Variants in ZC3HC1 observed in about 807,000 individuals in gnomAD.
ZC3HC1 encodes zinc finger C3HC-type containing 1.
A neutral mutation model predicts 61.9 loss-of-function variants in ZC3HC1; 38 were observed. The ratio of observed to expected loss-of-function variants is 0.61; its 90% CI spans 0.47 to 0.81. ZC3HC1 has a LOEUF of 0.81. Among genes scored for constraint, ZC3HC1 ranks in the 30% least tolerant of loss-of-function variants. ZC3HC1 has a pLI of 0.00. For synonymous variants in ZC3HC1, 213 were observed against 229.9 expected, an observed-to-expected ratio of 0.93 and a Z score of 0.67; for missense variants, 554 against 622.7, an observed-to-expected ratio of 0.89 and a Z score of 1.17.
chr7:130,029,099 G>A, intron 4 of ZC3HC1, 70 bp from the exon 5 acceptor site: 3 of 1,499,696 alleles, frequency 2.0e-6, no homozygotes, highest in Non-Finnish European at 2.7e-6. Context: ...GGCTGGGCAT[G>A]GTGGCTCATA....
intron 2 of ZC3HC1, among the ~76,000 whole-genome samples, chr7:130,041,817 G>A (rs992354128): frequency 3.3e-5 from 5 of 152,094 alleles, no homozygotes; most frequent in Non-Finnish European, 7.4e-5. Context: ...GTGAGCCACT[G>A]TGCCCGGCCC....
At chr7:130,034,068 A>G (rs2116718713) in intron 4 of ZC3HC1, among the ~76,000 whole-genome samples, 1 of 152,256 alleles carries the variant, frequency 6.6e-6, no homozygotes, top group South Asian at 2.1e-4. Flanking sequence ...TAACGTGCAC[A>G]TCCATGTAGC....
intron 9 of ZC3HC1, among the ~76,000 whole-genome samples, chr7:130,020,823 A>G (rs935313175): frequency 3.3e-5 from 5 of 152,218 alleles, no homozygotes; most frequent in African/African-American, 1.2e-4. Context: ...AGATCTAGGC[A>G]GAGAAATGCG....
chr7:130,027,194 G>A (rs1451432241), intron 5 of ZC3HC1: 2 of 151,818 alleles, frequency 1.3e-5, no homozygotes, highest in Admixed American at 6.6e-5. Flanking sequence ...AGAAAAATAA[G>A]GAACTATGAC....
At chr7:130,033,688 G>A (rs547342486) in intron 4 of ZC3HC1, among the ~76,000 whole-genome samples, 1 of 152,118 alleles carries the variant, frequency 6.6e-6, no homozygotes, top group African/African-American at 2.4e-5. Flanking sequence ...TCCTGACCTC[G>A]TGATCTGCCT....
chr7:130,039,436 G>T, intron 4 of ZC3HC1, 28 bp downstream of exon 4: 1 of 1,570,336 alleles, frequency 6.4e-7, no homozygotes, highest in Non-Finnish European at 8.7e-7. Context: ...AGGAAAAATG[G>T]TGAACAGGAA....
intron 4 of ZC3HC1, among the ~76,000 whole-genome samples, chr7:130,031,893 C>T (rs561646316): frequency 5.1e-4 from 77 of 152,186 alleles, no homozygotes; most frequent in Non-Finnish European, 6.9e-4. Context: ...CTTATTTGTT[C>T]AGGCATTTAA....
intron 4 of ZC3HC1, among the ~76,000 whole-genome samples, chr7:130,032,083 G>T (rs1178534924): frequency 6.6e-6 from 1 of 152,070 alleles, no homozygotes; most frequent in Non-Finnish European, 1.5e-5. Flanking sequence ...AATTAGCCAG[G>T]CATGGTGGTG....
At chr7:130,028,459 G>T (rs886933353) in intron 5 of ZC3HC1, among the ~76,000 whole-genome samples, 1 of 151,866 alleles carries the variant, frequency 6.6e-6, no homozygotes, top group East Asian at 1.9e-4. Flanking sequence ...GGAGAATTGC[G>T]TGGACCTGGG....
rs772188022 is a variant in ZC3HC1 at position 130,022,441 on chromosome 7, T to C, written c.1318A>G (p.Ser440Gly). 10 of 1,611,884 alleles carry C rather than the reference T, an allele frequency of 6.2e-6. No homozygotes were observed. Among genetic ancestry groups the C allele is most frequent in the African/African-American group, 1.3e-5 (1 of 74,908 alleles). The change falls in exon 9 of 10, where the codon AGC (serine) becomes GGC (glycine). Residue 440 changes from serine to glycine, a missense_variant. Coordinates refer to ENST00000358303, the MANE Select transcript of ZC3HC1 (RefSeq NM_016478.5). ...PWVNITLGKE[S>G]RENGGTEPDA... The stretch of plus-strand genomic sequence containing the variant: ...GGTTCAGTTCCACCATTCTCCCTGC[T>C]TTCTTTGCCAAGTGTGATATTCACC...
chr7:130,040,808 C>CAAAAAAAAAA (rs34942899), intron 3 of ZC3HC1, 143 bp downstream of exon 3: 1 of 582,088 alleles, frequency 1.7e-6, no homozygotes, highest in African/African-American at 2.3e-5. Flanking sequence ...GACCCCATCT[C>CAAAAAAAAAA]AAAAAAAAAA....
intron 4 of ZC3HC1, among the ~76,000 whole-genome samples, chr7:130,034,683 G>A (rs1369967636): frequency 4.0e-5 from 6 of 151,878 alleles, no homozygotes; most frequent in Non-Finnish European, 8.8e-5. Context: ...TTTTTTCTTT[G>A]TAGAGACAGG....
intron 9 of ZC3HC1, 28 bp downstream of exon 9, chr7:130,022,291 C>T: frequency 6.2e-7 from 1 of 1,613,694 alleles, no homozygotes; most frequent in Non-Finnish European, 8.5e-7. Context: ...CAAGTGCTGC[C>T]CACACACAAG....
At chr7:130,026,428 A>G in intron 5 of ZC3HC1, 116 bp from the exon 6 acceptor site, 1 of 1,081,520 alleles carries the variant, frequency 9.2e-7, no homozygotes, top group Non-Finnish European at 1.3e-6. Flanking sequence ...ACAAACATGA[A>G]GATACTTCTC....
chr7:130,022,400 T>C lies in ZC3HC1; in HGVS notation c.1359A>G (p.Pro453=). 3.1e-6 allele frequency: 5 copies of C among 1,613,538 alleles called. No homozygotes were observed. Among genetic ancestry groups the C allele is most frequent in the Non-Finnish European group, 4.2e-6 (5 of 1,179,726 alleles). Residue 453 remains proline (P), a synonymous_variant, in exon 9 of 10, where the codon CCA becomes CCG. Coordinates refer to ENST00000358303, the MANE Select transcript of ZC3HC1 (RefSeq NM_016478.5). ...GCACTGCTTTCCAGCCTGGCTCTGC[T>C]GGGGCGCTGGCATCTGGTTCAGTTC... ...NGGTEPDASA[P]AEPGWKAVLT...
At position 130,041,087 on chromosome 7, in the gene ZC3HC1, T is replaced by A; in HGVS notation, c.273A>T (p.Ala91=). ...GTGGAGACAGCTCAAAGGGCTTACC[T>A]GCCCATTTCAAAGAGTATCCATGTT... ...RVETFSSLKW[A]GKPFELSPLV... The change falls in exon 3 of 10, where the codon GCA becomes GCT. Residue 91 remains alanine, a synonymous_variant. Transcript: ENST00000358303. 2 of 1,611,166 alleles carry A rather than the reference T, an allele frequency of 1.2e-6. No individual in the cohort carries two copies. The highest frequency in any genetic ancestry group is 1.7e-6 in the Non-Finnish European group (2 of 1,179,404).
chr7:130,040,874 C>CT (rs1481096464), intron 3 of ZC3HC1, 77 bp downstream of exon 3: 2 of 1,403,416 alleles, frequency 1.4e-6, no homozygotes, highest in Non-Finnish European at 1.9e-6. Context: ...CTAAAATGAC[C>CT]TTTTTTCCCC....
intron 2 of ZC3HC1, among the ~76,000 whole-genome samples, chr7:130,042,598 G>A (rs528204149): frequency 4.2e-4 from 64 of 152,156 alleles, no homozygotes; most frequent in Non-Finnish European, 7.9e-4. Flanking sequence ...GTTTTACACA[G>A]CTAAAAGCAT....
intron 4 of ZC3HC1, among the ~76,000 whole-genome samples, chr7:130,031,726 A>G (rs1035317906): frequency 1.3e-5 from 2 of 152,180 alleles, no homozygotes; most frequent in Non-Finnish European, 1.5e-5. Context: ...TGCCCAGCAA[A>G]GACCTGAAAA....
Sources: gnomAD v4.1 joint callset for allele counts (sites outside exome capture counted in the v4.1 genomes callset) on GRCh38, gnomAD v4.1.1 for gene constraint, MANE v1.5 for transcripts, NCBI Gene and HGNC (gene_info 2026-07-23, HGNC 2026-07-21) for gene names.